Variants in EXOC2 observed in about 807,000 individuals in gnomAD.
EXOC2 encodes the protein exocyst complex component 2.
In EXOC2, 70 loss-of-function variants were observed where a neutral mutation model predicts 131.8. The observed-to-expected ratio is 0.53, with a 90% CI of 0.44 to 0.65. EXOC2 has a LOEUF of 0.65. Ranked by LOEUF, EXOC2 falls within the 30% of genes least tolerant of loss-of-function variation. The probability of loss-of-function intolerance (pLI) is 0.00; values close to 1 mark genes in which losing one functional copy is unlikely to be tolerated. For missense variants in EXOC2, 923 were observed against 1,108.6 expected (o/e 0.83, Z 2.38); for synonymous variants, 411 against 398.4 (o/e 1.03, Z -0.38).
At chr6:681,266 C>T (rs1764390888) in intron 1 of EXOC2, among the ~76,000 whole-genome samples, 1 of 152,184 alleles carries the variant, frequency 6.6e-6, no homozygotes, top group Non-Finnish European at 1.5e-5. Flanking sequence ...TCCAAATTAA[C>T]CAAACATCTA....
chr6:512,942 C>A (rs1275111840), intron 23 of EXOC2, among the ~76,000 whole-genome samples: 1 of 152,114 alleles, frequency 6.6e-6, no homozygotes, highest in African/African-American at 2.4e-5. Context: ...AATGAAATAC[C>A]TGAATAAATC....
At chr6:677,677 C>T (rs1204340858) in intron 1 of EXOC2, among the ~76,000 whole-genome samples, 5 of 152,058 alleles carry the variant, frequency 3.3e-5, no homozygotes, top group African/African-American at 1.2e-4. Context: ...CCATGTTGGT[C>T]GGGCTGGTCT....
chr6:615,186 T>TGG (rs1368145011), intron 6 of EXOC2, among the ~76,000 whole-genome samples: 1,733 of 135,908 alleles, frequency 0.013, 38 homozygotes, highest in African/African-American at 0.042. Flanking sequence ...GGTGTGGGTG[T>TGG]GTGTGTGTGT....
intron 23 of EXOC2, among the ~76,000 whole-genome samples, chr6:501,223 CT>C (rs1281998627): frequency 0.028 from 351 of 12,384 alleles, 87 homozygotes; most frequent in Middle Eastern, 0.1. Context: ...TTATATATAT[CT>C]ATATATATTA....
intron 1 of EXOC2, chr6:679,038 G>A (rs1262515732): frequency 1.3e-5 from 2 of 151,868 alleles, no homozygotes; most frequent in African/African-American, 4.8e-5. Flanking sequence ...AGAACATAAA[G>A]TAAGTGTATA....
chr6:544,199 C>T (rs1054626880), intron 22 of EXOC2, among the ~76,000 whole-genome samples: 6 of 152,174 alleles, frequency 3.9e-5, no homozygotes, highest in Non-Finnish European at 8.8e-5. Context: ...GGTGCCTTTC[C>T]TCCGCTCTCT....
At chr6:646,142 T>C (rs1762569419) in intron 1 of EXOC2, among the ~76,000 whole-genome samples, 1 of 152,226 alleles carries the variant, frequency 6.6e-6, no homozygotes, top group Non-Finnish European at 1.5e-5. Context: ...AGGCTCCTCA[T>C]GTTTGTCTGT....
intron 1 of EXOC2, among the ~76,000 whole-genome samples, chr6:673,964 A>G (rs1188689619): frequency 1.3e-5 from 2 of 152,204 alleles, no homozygotes; most frequent in Non-Finnish European, 2.9e-5. Flanking sequence ...TACAAGGCAC[A>G]ATAAAGCGAA....
intron 27 of EXOC2, among the ~76,000 whole-genome samples, chr6:488,467 G>A (rs1329285205): frequency 6.6e-6 from 1 of 151,916 alleles, no homozygotes; most frequent in Non-Finnish European, 1.5e-5. Context: ...CATCAGTGTG[G>A]TCTAATGAAA....
At chr6:686,591 C>T (rs890286435) in intron 1 of EXOC2, among the ~76,000 whole-genome samples, 5 of 152,068 alleles carry the variant, frequency 3.3e-5, no homozygotes, top group African/African-American at 1.2e-4. Context: ...CTCTCAGAGC[C>T]CCCATAAAAG....
chr6:508,632 T>C (rs2127499828), intron 23 of EXOC2, among the ~76,000 whole-genome samples: 1 of 152,378 alleles, frequency 6.6e-6, no homozygotes, highest in Non-Finnish European at 1.5e-5. Flanking sequence ...TAGTGCCGAG[T>C]AATATTCATT....
At chr6:689,121 C>G (rs1221148534) in intron 1 of EXOC2, 1 of 152,186 alleles carries the variant, frequency 6.6e-6, no homozygotes, top group African/African-American at 2.4e-5. Flanking sequence ...CTCTCTGGAT[C>G]CACCCTGAGC....
At chr6:507,336 CA>C (rs1234534013) in intron 23 of EXOC2, among the ~76,000 whole-genome samples, 762 of 55,326 alleles carry the variant, frequency 0.014, 32 homozygotes, top group Non-Finnish European at 0.02. Flanking sequence ...TGACCCCCCC[CA>C]CACACACCAC....
At chr6:684,976 G>A (rs1386609245) in intron 1 of EXOC2, among the ~76,000 whole-genome samples, 1 of 152,134 alleles carries the variant, frequency 6.6e-6, no homozygotes, top group Non-Finnish European at 1.5e-5. Context: ...AGCTAGAGAA[G>A]GCCAGGAACC....
chr6:671,024 G>A (rs1425462889), intron 1 of EXOC2, among the ~76,000 whole-genome samples: 1 of 147,230 alleles, frequency 6.8e-6, no homozygotes, highest in African/African-American at 2.5e-5. Flanking sequence ...AGACCAGCCT[G>A]GGTAACATCA....
chr6:599,618 C>G (rs370854596), intron 7 of EXOC2, among the ~76,000 whole-genome samples: 4 of 152,304 alleles, frequency 2.6e-5, no homozygotes, highest in South Asian at 4.1e-4. Context: ...TAGCTAAATT[C>G]TGCGGACTCA....
At chr6:502,454 C>T (rs1268980360) in intron 23 of EXOC2, among the ~76,000 whole-genome samples, 1 of 152,164 alleles carries the variant, frequency 6.6e-6, no homozygotes, top group Non-Finnish European at 1.5e-5. Flanking sequence ...GTCACATGCT[C>T]AGTGACAGCC....
intron 23 of EXOC2, among the ~76,000 whole-genome samples, 167 bp downstream of exon 23, chr6:532,302 C>T (rs1312436844): frequency 6.6e-6 from 1 of 152,192 alleles, no homozygotes; most frequent in African/African-American, 2.4e-5. Flanking sequence ...TGTCCAATTT[C>T]CAAACTATCC....
intron 23 of EXOC2, among the ~76,000 whole-genome samples, chr6:507,061 A>AT (rs1247021739): frequency 1.4e-5 from 2 of 140,852 alleles, no homozygotes; most frequent in Admixed American, 1.4e-4. Flanking sequence ...CAGAGCAGTG[A>AT]TCCCACACAC....
Sources: gnomAD v4.1 joint callset for allele counts (sites outside exome capture counted in the v4.1 genomes callset) on GRCh38, gnomAD v4.1.1 for gene constraint, MANE v1.5 for transcripts, NCBI Gene and HGNC (gene_info 2026-07-23, HGNC 2026-07-21) for gene names.